NRG3: variants seen among roughly 807,000 people sequenced by gnomAD.
NRG3 encodes neuregulin 3.
In NRG3, 31 loss-of-function variants were observed where a neutral mutation model predicts 66.9. The observed-to-expected ratio is 0.46, with a 90% CI of 0.35 to 0.63. NRG3 has a LOEUF of 0.63. NRG3 is among the 20% of genes least tolerant of loss of function. The pLI, the probability that NRG3 is intolerant of heterozygous loss-of-function variation, is 0.00. For synonymous variants in NRG3, 393 were observed against 359.4 expected (o/e 1.09, Z -1.06); for missense variants, 910 against 878.9 (o/e 1.04, Z -0.45).
intron 1 of NRG3, among the ~76,000 whole-genome samples, chr10:81,937,154 C>A (rs919015511): frequency 4.6e-5 from 7 of 152,098 alleles, no homozygotes; most frequent in Non-Finnish European, 4.4e-5. Flanking sequence ...GCATAGAAAA[C>A]GTGTTCTTTA....
intron 1 of NRG3, among the ~76,000 whole-genome samples, chr10:82,041,655 T>C (rs1270628989): frequency 2.6e-5 from 4 of 152,040 alleles, no homozygotes; most frequent in Admixed American, 6.6e-5. Flanking sequence ...TGTAGGGGGC[T>C]AATAAGTCAC....
At chr10:82,653,991 G>A (rs944072225) in intron 2 of NRG3, among the ~76,000 whole-genome samples, 4 of 152,196 alleles carry the variant, frequency 2.6e-5, no homozygotes, top group African/African-American at 9.7e-5. Context: ...CTCTGTGGCA[G>A]CCAAAATTTG....
chr10:82,195,563 G>A (rs891875890), intron 1 of NRG3, among the ~76,000 whole-genome samples: 3 of 152,006 alleles, frequency 2.0e-5, no homozygotes, highest in Non-Finnish European at 4.4e-5. Flanking sequence ...CTATGGAAAA[G>A]GTTTCAGTTA....
chr10:82,700,013 A>G (rs973756695), intron 2 of NRG3, among the ~76,000 whole-genome samples: 1 of 152,164 alleles, frequency 6.6e-6, no homozygotes, highest in African/African-American at 2.4e-5. Flanking sequence ...AAGCCATCAC[A>G]CTTTGACCAT....
intron 2 of NRG3, among the ~76,000 whole-genome samples, chr10:82,560,379 T>G (rs367669542): frequency 2.6e-5 from 4 of 151,486 alleles, no homozygotes; most frequent in Non-Finnish European, 5.9e-5. Flanking sequence ...GATTTAATAA[T>G]TATTTCCTCA....
chr10:82,224,855 A>G (rs2076099120), intron 1 of NRG3, among the ~76,000 whole-genome samples: 1 of 152,148 alleles, frequency 6.6e-6, no homozygotes. Flanking sequence ...CAGGGGAAAA[A>G]TTAAATGTTT....
intron 2 of NRG3, among the ~76,000 whole-genome samples, chr10:82,424,736 A>G (rs895413547): frequency 2.0e-5 from 3 of 151,828 alleles, no homozygotes; most frequent in Non-Finnish European, 2.9e-5. Flanking sequence ...ACAAAGATTT[A>G]CTCCTATGCT....
At chr10:82,857,942 A>T (rs2063900335) in intron 3 of NRG3, among the ~76,000 whole-genome samples, 1 of 152,172 alleles carries the variant, frequency 6.6e-6, no homozygotes, top group Admixed American at 6.5e-5. Context: ...TAGGACAGAC[A>T]TTCTAGGATT....
At chr10:82,410,370 G>A (rs545822675) in intron 2 of NRG3, among the ~76,000 whole-genome samples, 4 of 151,268 alleles carry the variant, frequency 2.6e-5, no homozygotes, top group African/African-American at 7.3e-5. Context: ...GGGATGCCAC[G>A]ACATAGTTGA....
chr10:82,365,010 A>T (rs1422388634), intron 2 of NRG3, among the ~76,000 whole-genome samples: 1 of 152,150 alleles, frequency 6.6e-6, no homozygotes, highest in Admixed American at 6.6e-5. Context: ...GTAGGTTTTG[A>T]AATAAAAGCT....
intron 1 of NRG3, among the ~76,000 whole-genome samples, chr10:82,233,651 A>G (rs894294619): frequency 1.3e-5 from 2 of 151,990 alleles, no homozygotes; most frequent in Non-Finnish European, 2.9e-5. Flanking sequence ...ATTTTCAGAT[A>G]TGTCCAAAAC....
chr10:82,738,743 G>C, intron 3 of NRG3, 93 bp downstream of exon 3: 1 of 1,113,130 alleles, frequency 9.0e-7, no homozygotes, highest in South Asian at 1.3e-5. Context: ...CTATATTTCA[G>C]TCTTGTGTCT....
At chr10:82,579,014 G>A (rs2046199169) in intron 2 of NRG3, among the ~76,000 whole-genome samples, 1 of 151,820 alleles carries the variant, frequency 6.6e-6, no homozygotes, top group South Asian at 2.1e-4. Flanking sequence ...GATGCTTTGA[G>A]ATTTGCAATG....
intron 1 of NRG3, among the ~76,000 whole-genome samples, chr10:82,027,270 A>G (rs753799754): frequency 6.6e-6 from 1 of 152,128 alleles, no homozygotes; most frequent in Non-Finnish European, 1.5e-5. Flanking sequence ...TATTACAGAA[A>G]GGTAAATGTC....
At chr10:82,846,968 GTT>G (rs1285900702) in intron 3 of NRG3, among the ~76,000 whole-genome samples, 2 of 152,006 alleles carry the variant, frequency 1.3e-5, no homozygotes, top group Non-Finnish European at 2.9e-5. Flanking sequence ...TGTGGGTTTT[GTT>G]TTTCTGAAGT....
At chr10:82,091,204 G>A (rs556534141) in intron 1 of NRG3, among the ~76,000 whole-genome samples, 10 of 152,016 alleles carry the variant, frequency 6.6e-5, no homozygotes, top group Admixed American at 2.0e-4. Flanking sequence ...TCCATTGATC[G>A]GTAGTCTTAG....
At chr10:82,108,131 C>T (rs762784651) in intron 1 of NRG3, among the ~76,000 whole-genome samples, 4 of 152,130 alleles carry the variant, frequency 2.6e-5, no homozygotes, top group East Asian at 1.9e-4. Flanking sequence ...AGATGAAGAA[C>T]GACAAAGTAA....
chr10:82,653,264 A>T (rs7898987), intron 2 of NRG3, among the ~76,000 whole-genome samples: 11,508 of 152,270 alleles, frequency 0.076, 799 homozygotes, highest in African/African-American at 0.18. Flanking sequence ...AGAAAAACAG[A>T]AGTTGCATAT....
At chr10:82,777,169 T>C (rs2059941734) in intron 3 of NRG3, among the ~76,000 whole-genome samples, 1 of 152,190 alleles carries the variant, frequency 6.6e-6, no homozygotes, top group African/African-American at 2.4e-5. Flanking sequence ...CCTTTGTGTA[T>C]CTTCTTCAGC....
Sources: allele counts gnomAD v4.1 joint callset (sites outside exome capture counted in the v4.1 genomes callset), GRCh38; gene constraint gnomAD v4.1.1; transcripts MANE v1.5; gene names NCBI Gene and HGNC (gene_info 2026-07-23, HGNC 2026-07-21).